The following C1orf87 variants were observed in gnomAD, a reference collection of about 807,000 sequenced individuals.
C1orf87 encodes chromosome 1 open reading frame 87.
C1orf87 carries 58 observed loss-of-function variants against 60.5 expected under a neutral mutation model. The ratio of observed to expected loss-of-function variants is 0.96; its 90% confidence interval spans 0.78 to 1.19. The LOEUF is 1.19. Ranked by LOEUF, C1orf87 falls within the 50% of genes most tolerant of loss-of-function variation. C1orf87 has a pLI of 0.00. For missense variants in C1orf87, 673 were observed against 638.6 expected (o/e 1.05, Z -0.58); for synonymous variants, 236 against 227.4 (o/e 1.04, Z -0.34).
chr1:60,023,778 T>G (rs1320820305), intron 8 of C1orf87, among the ~76,000 whole-genome samples: 3 of 152,342 alleles, frequency 2.0e-5, no homozygotes, highest in South Asian at 4.1e-4. Context: ...TCATGTCTTC[T>G]TATGTTCTTG....
At chr1:60,006,799 C>A (rs532900366) in intron 9 of C1orf87, among the ~76,000 whole-genome samples, 1 of 152,040 alleles carries the variant, frequency 6.6e-6, no homozygotes, top group African/African-American at 2.4e-5. Context: ...TTACTACTTT[C>A]GGAAGCTTCT....
At chr1:60,029,182 C>T (rs1014120887) in intron 7 of C1orf87, among the ~76,000 whole-genome samples, 2 of 152,140 alleles carry the variant, frequency 1.3e-5, no homozygotes, top group African/African-American at 4.8e-5. Context: ...GGGAGTCATT[C>T]TAGATTTCTC....
chr1:59,993,396 T>C (rs638562), intron 11 of C1orf87, among the ~76,000 whole-genome samples: 143,492 of 152,066 alleles, frequency 0.94, 68,266 homozygotes, highest in East Asian at 1. Flanking sequence ...GAAATTTTAC[T>C]ATAGGATAAT....
At chr1:60,015,326 C>A (rs886937557) in intron 8 of C1orf87, among the ~76,000 whole-genome samples, 3 of 152,192 alleles carry the variant, frequency 2.0e-5, no homozygotes, top group Non-Finnish European at 4.4e-5. Flanking sequence ...TCACCAAACA[C>A]TAAATCTGCT....
chr1:60,034,730 T>A (rs1325548546), intron 6 of C1orf87, among the ~76,000 whole-genome samples: 1 of 152,152 alleles, frequency 6.6e-6, no homozygotes, highest in South Asian at 2.1e-4. Flanking sequence ...GCTTTGTTCT[T>A]TTCCTTAATA....
intron 9 of C1orf87, 35 bp downstream of exon 9, chr1:60,010,357 A>C: frequency 6.4e-7 from 1 of 1,571,176 alleles, no homozygotes. Flanking sequence ...GAAAAATGGA[A>C]GGTCTCTCTG....
chr1:60,062,029 C>T (rs1407436235), intron 2 of C1orf87, among the ~76,000 whole-genome samples: 1 of 152,098 alleles, frequency 6.6e-6, no homozygotes, highest in Non-Finnish European at 1.5e-5. Context: ...AGGTTCCCTC[C>T]CTGCAAGGTT....
chr1:60,040,300 G>T, intron 4 of C1orf87, 120 bp from the exon 5 acceptor site: 1 of 1,284,404 alleles, frequency 7.8e-7, no homozygotes, highest in Non-Finnish European at 1.1e-6. Context: ...TCCTGGCCTG[G>T]AGCAGGACAA....
At chr1:60,039,870 T>G (rs373855125) in intron 5 of C1orf87, 47 bp downstream of exon 5, 5 of 1,570,252 alleles carry the variant, frequency 3.2e-6, no homozygotes, top group African/African-American at 2.7e-5. Flanking sequence ...GGGTACAAGT[T>G]AAGGAAACAA....
chr1:60,020,451 C>T (rs1391882998), intron 8 of C1orf87, among the ~76,000 whole-genome samples: 1 of 152,174 alleles, frequency 6.6e-6, no homozygotes, highest in Non-Finnish European at 1.5e-5. Flanking sequence ...AACCACAGGG[C>T]CAGAGCTGCC....
intron 11 of C1orf87, among the ~76,000 whole-genome samples, chr1:59,991,800 T>C (rs1644925388): frequency 6.6e-6 from 1 of 152,160 alleles, no homozygotes; most frequent in Admixed American, 6.5e-5. Flanking sequence ...TAAGATTGGA[T>C]AGATTTTGAT....
intron 7 of C1orf87, among the ~76,000 whole-genome samples, chr1:60,025,774 C>G (rs1005187317): frequency 6.6e-6 from 1 of 152,068 alleles, no homozygotes; most frequent in Non-Finnish European, 1.5e-5. Context: ...AAATGCTGAT[C>G]TTACATTTTT....
chr1:59,999,630 A>G (rs906997594), intron 10 of C1orf87, among the ~76,000 whole-genome samples: 5 of 152,160 alleles, frequency 3.3e-5, no homozygotes, highest in Non-Finnish European at 7.4e-5. Flanking sequence ...TAACAATGTA[A>G]CTAATACATC....
chr1:60,028,857 C>A (rs1011278448), intron 7 of C1orf87, among the ~76,000 whole-genome samples: 23 of 151,718 alleles, frequency 1.5e-4, no homozygotes, highest in African/African-American at 5.3e-4. Flanking sequence ...TTTTTCCACT[C>A]CCATGTCTCC....
At chr1:60,026,709 T>G (rs1645200437) in intron 7 of C1orf87, among the ~76,000 whole-genome samples, 1 of 152,158 alleles carries the variant, frequency 6.6e-6, no homozygotes, top group African/African-American at 2.4e-5. Context: ...TATAAGTAAA[T>G]AATAGCAACT....
Position 60,025,498 on chromosome 1 carries a change from C to A in C1orf87, c.1030G>T (p.Val344Phe). ...SFSGCLPLPK[V>F]RAICGKHGLY... The stretch of plus-strand genomic sequence containing the variant: ...CCATGCTTCCCACATATAGCCCTGA[C>A]CTACAAGTTAAAAAAAAATAAAAAA... Residue 344 changes from valine to phenylalanine, a missense_variant and splice_region_variant, in exon 8 of 12, where the codon GTC (valine) becomes TTC (phenylalanine). Val to Phe is a conservative substitution (Grantham distance 50). Transcript: ENST00000371201. The A allele has an allele frequency of 6.3e-7, 1 of 1,582,840 alleles. No homozygotes were observed. The highest frequency in any genetic ancestry group is 2.3e-5 in the East Asian group (1 of 44,256).
chr1:60,062,524 T>C (rs549001337), intron 2 of C1orf87, among the ~76,000 whole-genome samples: 2 of 152,314 alleles, frequency 1.3e-5, no homozygotes, highest in South Asian at 4.1e-4. Flanking sequence ...AAAACATTCC[T>C]AATTTGATTT....
rs569009146 is a variant in C1orf87, at chr1:60,046,095, CTCT to C, written c.343-4967_343-4965del. ...TTCCTTCCTTCCTTCCTGCTTTTCT[CTCT>C]TTTTTCCTCCTTTCCTCTTTTCCTT... On this transcript the variant is annotated intron_variant, in intron 3 of 11. Coordinates refer to ENST00000371201, the MANE Select transcript of C1orf87 (RefSeq NM_152377.3). Among the ~76,000 whole-genome samples, 271 of 144,710 alleles carry C rather than the reference CTCT, an allele frequency of 1.9e-3. 1 individual carries two copies. The highest frequency in any genetic ancestry group is 8.2e-3 in the Middle Eastern group (2 of 244). 94.9% of individuals were successfully genotyped at this position (144,710 alleles called of 152,430 possible).
chr1:60,028,787 G>C (rs1645216675), intron 7 of C1orf87, among the ~76,000 whole-genome samples: 1 of 151,316 alleles, frequency 6.6e-6, no homozygotes, highest in Admixed American at 6.6e-5. Context: ...TCTTGTTGCA[G>C]CATGAGACAT....
Sources: gnomAD v4.1 joint callset for allele counts (sites outside exome capture counted in the v4.1 genomes callset) on GRCh38, gnomAD v4.1.1 for gene constraint, MANE v1.5 for transcripts, NCBI Gene and HGNC (gene_info 2026-07-23, HGNC 2026-07-21) for gene names.